CYP26C1: variants seen among roughly 807,000 people sequenced by gnomAD.
CYP26C1 encodes cytochrome P450 26C1.
CYP26C1 carries 41 observed loss-of-function variants against 39.1 expected under a neutral mutation model. That is an observed-to-expected ratio of 1.05 (90% CI 0.82 to 1.36). CYP26C1 has a LOEUF of 1.36. CYP26C1 is among the 40% of genes most tolerant of loss of function. The probability of loss-of-function intolerance (pLI) is 0.00; values close to 1 mark genes in which losing one functional copy is unlikely to be tolerated. For missense variants in CYP26C1, 833 were observed against 752.0 expected (o/e 1.11, Z -1.26); for synonymous variants, 362 against 350.8 (o/e 1.03, Z -0.36).
Position 93,061,074 on chromosome 10 carries a change from C to T in CYP26C1, c.-190C>T. On this transcript the variant is annotated 5_prime_UTR_variant, in exon 1 of 6. Transcript: ENST00000651965. ...CACGTTCCCTAAGGGCGCACGGTCACTGCAGTCTTTCACCGTCCGTCTGTT... is the reference window on the plus strand; with the variant it reads ...CACGTTCCCTAAGGGCGCACGGTCATTGCAGTCTTTCACCGTCCGTCTGTT... The T allele has an allele frequency of 3.3e-6, 2 of 614,894 alleles. No individual in the cohort carries two copies. The highest frequency in any genetic ancestry group is 6.1e-5 in the East Asian group (2 of 33,036). 38.1% of individuals were successfully genotyped at this position (614,894 alleles called of 1,614,324 possible).
Position 93,062,861 on chromosome 10 carries a change from C to T in CYP26C1, c.571C>T (p.Arg191Cys), listed in dbSNP as rs200053509. ...VYDASKALTF[R>C]MAARILLGLR... ...CGACGCCTCCAAAGCGCTCACCTTC[C>T]GCATGGCCGCGCGCATCCTGCTGGG... The change falls in exon 3 of 6, where the codon CGC becomes TGC. Residue 191 changes from arginine (R) to cysteine (C), a missense_variant. Transcript: ENST00000651965. 8.5e-5 allele frequency: 136 copies of T among 1,601,554 alleles called. No individual in the cohort carries two copies. The highest frequency in any genetic ancestry group is 6.9e-5 in the Non-Finnish European group (81 of 1,178,566).
At chr10:93,067,366 A>C (rs920628371) in intron 5 of CYP26C1, among the ~76,000 whole-genome samples, 1 of 152,274 alleles carries the variant, frequency 6.6e-6, no homozygotes, top group Non-Finnish European at 1.5e-5. Context: ...CAGAGAGAGC[A>C]GACTCAGACA....
At chr10:93,062,594 AG>A in intron 2 of CYP26C1, 125 bp from the exon 3 acceptor site, 1 of 860,046 alleles carries the variant, frequency 1.2e-6, no homozygotes, top group South Asian at 2.2e-5. Context: ...AGCAAAAGCC[AG>A]GAAGTTTAGG....
intron 3 of CYP26C1, 134 bp downstream of exon 3, chr10:93,063,129 G>A (rs1590135860): frequency 7.0e-7 from 1 of 1,419,240 alleles, no homozygotes; most frequent in Non-Finnish European, 9.1e-7. Flanking sequence ...GGGCCCGGGG[G>A]TGGGAGGCGT....
intron 4 of CYP26C1, 43 bp from the exon 5 acceptor site, chr10:93,065,900 GCGCCCCGGGCGAC>G: frequency 6.9e-7 from 1 of 1,453,268 alleles, no homozygotes; most frequent in East Asian, 2.8e-5. Flanking sequence ...CGTCGGGTCA[GCGCCCCGGGCGAC>G]TCCACCGCCC....
intron 4 of CYP26C1, chr10:93,064,908 GAAAC>G (rs753871857): frequency 1.8e-5 from 16 of 883,790 alleles, no homozygotes; most frequent in Non-Finnish European, 2.0e-5. Flanking sequence ...ATTTTTTCTA[GAAAC>G]TCTAAGGGGC....
In CYP26C1 at chr10:93,065,915, CCACCGCCCGAGACTCAGTGCA is replaced by C; in HGVS notation, c.862-40_862-20del. On this transcript the variant is annotated intron_variant, in intron 4 of 5. Transcript: ENST00000651965. ...CGTCGGGTCAGCGCCCCGGGCGACT[CCACCGCCCGAGACTCAGTGCA>C]GCCCGGGGCTGTCTTGCAGGAGTCG... 1 of 1,486,010 alleles carries C rather than the reference CCACCGCCCGAGACTCAGTGCA, an allele frequency of 6.7e-7. No homozygotes were observed. Among genetic ancestry groups the C allele is most frequent in the East Asian group, 2.7e-5 (1 of 36,672 alleles). The allele number at this position is 1,486,010 out of a possible 1,614,324, so 92.1% of individuals were successfully genotyped here.
At chr10:93,063,835 T>G in intron 3 of CYP26C1, 8 of 985,760 alleles carry the variant, frequency 8.1e-6, no homozygotes, top group Non-Finnish European at 9.6e-6. Context: ...GGAACTCAAG[T>G]GCTGAATTAC....
At chr10:93,066,404 C>T in intron 5 of CYP26C1, 119 bp downstream of exon 5, 1 of 1,017,798 alleles carries the variant, frequency 9.8e-7, no homozygotes, top group East Asian at 3.4e-5. Flanking sequence ...TCGGACGGCG[C>T]GGTCACCTCT....
chr10:93,065,520 A>AGCACT (rs1459046996), intron 4 of CYP26C1, among the ~76,000 whole-genome samples: 1 of 152,186 alleles, frequency 6.6e-6, no homozygotes, highest in Non-Finnish European at 1.5e-5. Context: ...GGTGGTGAAG[A>AGCACT]GCACTGGACT....
intron 4 of CYP26C1, chr10:93,064,868 G>T: frequency 9.8e-7 from 1 of 1,020,468 alleles, no homozygotes; most frequent in Non-Finnish European, 1.2e-6. Flanking sequence ...TGCCTCTGCT[G>T]TCCCCCTGCC....
intron 5 of CYP26C1, 78 bp downstream of exon 5, chr10:93,066,363 C>A (rs1481491035): frequency 7.4e-6 from 9 of 1,212,716 alleles, no homozygotes; most frequent in Non-Finnish European, 9.3e-6. Flanking sequence ...CCTGCCGCGG[C>A]GGCGCCCAGG....
At chr10:93,064,234 G>A (rs980299384) in intron 3 of CYP26C1, 147 bp from the exon 4 acceptor site, 1 of 1,436,228 alleles carries the variant, frequency 7.0e-7, no homozygotes, top group African/African-American at 1.4e-5. Flanking sequence ...ACTGAGCCCA[G>A]CCATATGCCA....
At chr10:93,063,696 T>C in intron 3 of CYP26C1, 1 of 984,534 alleles carries the variant, frequency 1.0e-6, no homozygotes, top group Non-Finnish European at 1.2e-6. Flanking sequence ...CGTTTTCTGA[T>C]CTAATCCTCG....
intron 2 of CYP26C1, 139 bp downstream of exon 2, chr10:93,062,373 C>G (rs1039459257): frequency 2.3e-6 from 2 of 862,322 alleles, no homozygotes; most frequent in Non-Finnish European, 3.5e-6. Flanking sequence ...TGGCCTTGGG[C>G]GGGTCCGTTA....
At chr10:93,065,712 T>C (rs1846815837) in intron 4 of CYP26C1, among the ~76,000 whole-genome samples, 1 of 152,242 alleles carries the variant, frequency 6.6e-6, no homozygotes, top group African/African-American at 2.4e-5. Flanking sequence ...CTGGGAACCA[T>C]CGCAAGGCGG....
At chr10:93,065,806 C>T in intron 4 of CYP26C1, 150 bp from the exon 5 acceptor site, 1 of 664,316 alleles carries the variant, frequency 1.5e-6, no homozygotes, top group East Asian at 3.5e-5. Flanking sequence ...CAAAACCGTA[C>T]ACACAGTCGC....
At chr10:93,066,382 G>A (rs1021252397) in intron 5 of CYP26C1, 97 bp downstream of exon 5, 3 of 1,171,918 alleles carry the variant, frequency 2.6e-6, no homozygotes, top group Non-Finnish European at 3.2e-6. Context: ...GGTGGGAGGA[G>A]GGCGGAGGGA....
At chr10:93,064,739 G>GCCA (rs1846801635) in intron 4 of CYP26C1, 18 of 1,296,968 alleles carry the variant, frequency 1.4e-5, no homozygotes, top group Admixed American at 3.7e-5. Flanking sequence ...CCTCCAGCCA[G>GCCA]CCTTGTCAGT....
Sources: gnomAD v4.1 joint callset for allele counts (sites outside exome capture counted in the v4.1 genomes callset) on GRCh38, gnomAD v4.1.1 for gene constraint, MANE v1.5 for transcripts, NCBI Gene and HGNC (gene_info 2026-07-23, HGNC 2026-07-21) for gene names.